RGS6: variants seen among roughly 807,000 people sequenced by gnomAD.
The protein encoded by RGS6 is regulator of G-protein signaling 6.
A neutral mutation model predicts 78.5 loss-of-function variants in RGS6; 30 were observed. The ratio of observed to expected loss-of-function variants is 0.38; its 90% CI spans 0.29 to 0.52. RGS6 has a LOEUF of 0.52. Among genes scored for constraint, RGS6 ranks in the 20% least tolerant of loss-of-function variants. The pLI is 0.85. For synonymous variants in RGS6, 206 were observed against 206.0 expected, an observed-to-expected ratio of 1.00 and a Z score of 0.00; for missense variants, 495 against 609.7, an observed-to-expected ratio of 0.81 and a Z score of 1.98.
At chr14:72,168,534 C>T (rs761320977) in intron 2 of RGS6, among the ~76,000 whole-genome samples, 2 of 152,082 alleles carry the variant, frequency 1.3e-5, no homozygotes, top group Non-Finnish European at 2.9e-5. Flanking sequence ...AAATAAAGGG[C>T]GTAAGATATC....
intron 2 of RGS6, among the ~76,000 whole-genome samples, chr14:72,269,362 A>C (rs924332909): frequency 6.6e-6 from 1 of 152,246 alleles, no homozygotes; most frequent in South Asian, 2.1e-4. Flanking sequence ...TTTGCCTCCT[A>C]GCCCACGTTA....
At chr14:72,097,593 G>A (rs1205772088) in intron 2 of RGS6, among the ~76,000 whole-genome samples, 2 of 152,268 alleles carry the variant, frequency 1.3e-5, no homozygotes, top group East Asian at 3.9e-4. Flanking sequence ...AGAAGGGGGC[G>A]GGTGTCTTTG....
intron 3 of RGS6, among the ~76,000 whole-genome samples, chr14:72,423,162 G>C (rs1397028812): frequency 6.6e-6 from 1 of 152,218 alleles, no homozygotes; most frequent in African/African-American, 2.4e-5. Context: ...TGAATATAGT[G>C]AGGAATATGA....
intron 2 of RGS6, among the ~76,000 whole-genome samples, chr14:72,026,899 G>C (rs74455122): frequency 1.3e-4 from 20 of 152,290 alleles, no homozygotes; most frequent in East Asian, 7.7e-4. Flanking sequence ...CAGGTGCTAG[G>C]GGGGGCTACT....
chr14:71,937,476 C>T (rs2089675033), intron 1 of RGS6, among the ~76,000 whole-genome samples: 1 of 152,156 alleles, frequency 6.6e-6, no homozygotes, highest in East Asian at 1.9e-4. Flanking sequence ...GCATACACGG[C>T]CCTCTGGAGA....
chr14:72,061,368 A>G (rs1440857845), intron 2 of RGS6, among the ~76,000 whole-genome samples: 1 of 152,180 alleles, frequency 6.6e-6, no homozygotes, highest in Non-Finnish European at 1.5e-5. Context: ...TGATTCTTAT[A>G]GGGAATCAGA....
chr14:72,509,849 C>A (rs1431999336), intron 13 of RGS6, among the ~76,000 whole-genome samples: 1 of 152,064 alleles, frequency 6.6e-6, no homozygotes, highest in East Asian at 1.9e-4. Context: ...AAAGTTGAGT[C>A]CATAATTGAT....
intron 2 of RGS6, among the ~76,000 whole-genome samples, chr14:72,014,341 A>G (rs1377504348): frequency 6.6e-6 from 1 of 152,216 alleles, no homozygotes; most frequent in African/African-American, 2.4e-5. Context: ...GAACTCTTTG[A>G]TGCTTCCATT....
At chr14:72,046,528 C>T (rs974804247) in intron 2 of RGS6, among the ~76,000 whole-genome samples, 11 of 151,744 alleles carry the variant, frequency 7.2e-5, no homozygotes. Flanking sequence ...TGAAAGGTAC[C>T]AGTGTGTGTG....
the RGS6 span, among the ~76,000 whole-genome samples, chr14:71,900,195 G>A: frequency 6.6e-6 from 1 of 152,194 alleles, no homozygotes; most frequent in Admixed American, 6.5e-5. Flanking sequence ...TGGGCAGAAT[G>A]TACAGTTCAG....
At chr14:72,408,057 A>T (rs2093083794) in intron 3 of RGS6, among the ~76,000 whole-genome samples, 1 of 152,216 alleles carries the variant, frequency 6.6e-6, no homozygotes, top group Non-Finnish European at 1.5e-5. Context: ...CTCCCAAAAA[A>T]GTTGTATTTA....
At chr14:71,947,604 C>T (rs904934653) in intron 1 of RGS6, among the ~76,000 whole-genome samples, 4 of 152,190 alleles carry the variant, frequency 2.6e-5, no homozygotes, top group Admixed American at 6.5e-5. Flanking sequence ...CCCACCTCAG[C>T]CTCCCAAGTA....
chr14:72,161,081 G>A (rs1317502685), intron 2 of RGS6, among the ~76,000 whole-genome samples: 5 of 152,196 alleles, frequency 3.3e-5, no homozygotes, highest in African/African-American at 9.7e-5. Flanking sequence ...ATGAGTTCGT[G>A]TCCTTTGCAG....
intron 17 of RGS6, among the ~76,000 whole-genome samples, chr14:72,549,875 A>T (rs1183429930): frequency 2.0e-5 from 3 of 150,602 alleles, no homozygotes; most frequent in African/African-American, 7.3e-5. Context: ...CCCACAAAAA[A>T]CCCCCCAGAG....
chr14:72,559,866 G>C (rs746667655), intron 17 of RGS6, among the ~76,000 whole-genome samples: 1 of 152,154 alleles, frequency 6.6e-6, no homozygotes, highest in Admixed American at 6.5e-5. Flanking sequence ...TGTAGAAAGG[G>C]GAAGGGTTGA....
chr14:71,911,771 C>T, the RGS6 span, among the ~76,000 whole-genome samples: 1 of 152,188 alleles, frequency 6.6e-6, no homozygotes, highest in Admixed American at 6.5e-5. Context: ...GGCTGGCCAT[C>T]CCACAGGCTG....
chr14:72,506,509 G>A (rs78066566), intron 13 of RGS6, among the ~76,000 whole-genome samples: 98 of 152,306 alleles, frequency 6.4e-4, no homozygotes, highest in African/African-American at 2.3e-3. Context: ...CTTAAACCTT[G>A]AAGTGGATGA....
At chr14:72,400,463 G>A (rs2092246610) in intron 3 of RGS6, among the ~76,000 whole-genome samples, 1 of 152,134 alleles carries the variant, frequency 6.6e-6, no homozygotes, top group Admixed American at 6.5e-5. Context: ...CATTCAACCA[G>A]TGTTTATTTA....
At chr14:72,529,799 C>T (rs1053369222) in intron 15 of RGS6, among the ~76,000 whole-genome samples, 2 of 152,208 alleles carry the variant, frequency 1.3e-5, no homozygotes, top group Non-Finnish European at 2.9e-5. Flanking sequence ...CACATTCATA[C>T]CCTGTGCCTG....
Sources: gnomAD v4.1 joint callset for allele counts (sites outside exome capture counted in the v4.1 genomes callset) on GRCh38, gnomAD v4.1.1 for gene constraint, MANE v1.5 for transcripts, NCBI Gene and HGNC (gene_info 2026-07-23, HGNC 2026-07-21) for gene names.